Variants in CEP170 observed in about 807,000 individuals in gnomAD.
The protein encoded by CEP170 is centrosomal protein of 170 kDa.
CEP170 carries 21 observed loss-of-function variants against 151.9 expected under a neutral mutation model. The observed-to-expected ratio is 0.14, with a 90% CI of 0.10 to 0.20. The LOEUF is 0.20. Among genes scored for constraint, CEP170 ranks in the 10% least tolerant of loss-of-function variants. The pLI, the probability that CEP170 is intolerant of heterozygous loss-of-function variation, is 1.00. For missense variants in CEP170, 964 were observed against 1,892.9 expected (o/e 0.51, Z 9.11); for synonymous variants, 356 against 648.8 (o/e 0.55, Z 6.86).
intron 1 of CEP170, among the ~76,000 whole-genome samples, chr1:243,241,467 G>A (rs1168763860): frequency 1.3e-5 from 2 of 152,132 alleles, no homozygotes; most frequent in Non-Finnish European, 2.9e-5. Context: ...GATATGATGA[G>A]AGCTATAAAG....
chr1:243,164,612 A>G lies in CEP170; in HGVS notation c.3348T>C (p.Leu1116=). The change falls in exon 13 of 20, where the codon CTT becomes CTC. Residue 1116 remains leucine, a synonymous_variant. Transcript: ENST00000366542. ...CAACAGATGCTTTGTCAGCATCAGC[A>G]AGTTCACTGTCTGAAGCTTCACCAA... ...ARLGEASDSE[L]ADADKASVAS... 2.5e-6 allele frequency: 4 copies of G among 1,613,760 alleles called. No homozygotes were observed. The highest frequency in any genetic ancestry group is 3.4e-6 in the Non-Finnish European group (4 of 1,179,726).
intron 1 of CEP170, among the ~76,000 whole-genome samples, chr1:243,247,306 G>A (rs2065499423): frequency 6.6e-6 from 1 of 152,122 alleles, no homozygotes; most frequent in South Asian, 2.1e-4. Context: ...AGAATTAAAG[G>A]ATGAGTTTAG....
At chr1:243,187,534 T>C (rs1231548854) in intron 8 of CEP170, among the ~76,000 whole-genome samples, 1 of 152,222 alleles carries the variant, frequency 6.6e-6, no homozygotes, top group Admixed American at 6.5e-5. Flanking sequence ...AGGTACATTC[T>C]AATGCTTCCA....
At chr1:243,151,512 C>T (rs1344688570) in intron 14 of CEP170, among the ~76,000 whole-genome samples, 2 of 151,978 alleles carry the variant, frequency 1.3e-5, no homozygotes, top group Non-Finnish European at 2.9e-5. Flanking sequence ...CCAGCCACAA[C>T]ATTCCCTTAA....
chr1:243,134,660 G>A (rs1051614804), intron 17 of CEP170, among the ~76,000 whole-genome samples: 1 of 150,276 alleles, frequency 6.7e-6, no homozygotes, highest in Admixed American at 6.6e-5. Flanking sequence ...ACCATGCCCA[G>A]CCAATTTTTT....
At chr1:243,140,719 A>C (rs533008971) in intron 15 of CEP170, 1 of 152,358 alleles carries the variant, frequency 6.6e-6, no homozygotes, top group South Asian at 2.1e-4. Context: ...ATACAATACT[A>C]AGTAACTCGG....
chr1:243,231,196 T>C (rs201366089), intron 1 of CEP170, among the ~76,000 whole-genome samples: 112 of 138,740 alleles, frequency 8.1e-4, no homozygotes, highest in East Asian at 5.8e-3. Flanking sequence ...TCATCATTAT[T>C]ATTATTATTA....
In CEP170 at chr1:243,142,434, C is replaced by A; in HGVS notation, c.3941G>T (p.Arg1314Leu). The part of the protein sequence containing the change: ...RISQDLALIA[R>L]EINDVAGEID... ...CTCTCCTGCTACATCGTTGATCTCC[C>A]GAGCAATGAGAGCAAGATCTTGGCT... The change falls in exon 15 of 20, where the codon CGG becomes CTG. Residue 1314 changes from arginine to leucine, a missense_variant. By Grantham distance (102) the Arg-to-Leu change is moderately radical. Coordinates refer to ENST00000366542, the MANE Select transcript of CEP170 (RefSeq NM_014812.3). The A allele has an allele frequency of 6.4e-7, 1 of 1,551,572 alleles. No individual in the cohort carries two copies.
chr1:243,202,094 T>C (rs1468929523), intron 4 of CEP170, among the ~76,000 whole-genome samples: 1 of 152,152 alleles, frequency 6.6e-6, no homozygotes, highest in Non-Finnish European at 1.5e-5. Context: ...GTGGTATATA[T>C]ACACCATGGA....
At chr1:243,158,552 C>A (rs2057770212) in intron 13 of CEP170, among the ~76,000 whole-genome samples, 1 of 152,020 alleles carries the variant, frequency 6.6e-6, no homozygotes, top group Non-Finnish European at 1.5e-5. Context: ...AATTGAGTAC[C>A]AAGTGCTATT....
chr1:243,186,351 C>T lies in CEP170; in HGVS notation c.1180G>A (p.Ala394Thr). ...CGTCTTAAGTGTTCCTCAAGAGTTG[C>T]ACGTTTGCTACAGCGCCTGTGAGCC... is the stretch of plus-strand genomic sequence containing the variant. The part of the protein sequence containing the change: ...AGAHRRCSKR[A>T]TLEEHLRRHH... The change falls in exon 9 of 20, where the codon GCA becomes ACA. Residue 394 changes from alanine to threonine, a missense_variant. Coordinates refer to ENST00000366542, the MANE Select transcript of CEP170 (RefSeq NM_014812.3). 1 of 1,613,724 alleles carries T rather than the reference C, an allele frequency of 6.2e-7. No homozygotes were observed. The highest frequency in any genetic ancestry group is 8.5e-7 in the Non-Finnish European group (1 of 1,179,698).
intron 2 of CEP170, among the ~76,000 whole-genome samples, chr1:243,224,763 T>C (rs1191203641): frequency 6.6e-6 from 1 of 152,202 alleles, no homozygotes; most frequent in Non-Finnish European, 1.5e-5. Context: ...CTTTTAAAAA[T>C]TGTCAACAAT....
chr1:243,143,952 C>T (rs528311154), intron 14 of CEP170, among the ~76,000 whole-genome samples: 2 of 152,214 alleles, frequency 1.3e-5, no homozygotes, highest in Non-Finnish European at 2.9e-5. Flanking sequence ...AAAAAGGGAA[C>T]TAAGTTGAAG....
At chr1:243,148,559 G>A (rs1170665754) in intron 14 of CEP170, among the ~76,000 whole-genome samples, 1 of 152,158 alleles carries the variant, frequency 6.6e-6, no homozygotes, top group African/African-American at 2.4e-5. Context: ...GGGTGACAGT[G>A]AGACTCTGTC....
In CEP170 at chr1:243,139,992, G is replaced by C. The variant is rs760128076; in HGVS notation, c.4175C>G (p.Ala1392Gly). Residue 1392 changes from alanine (A) to glycine (G), a missense_variant, in exon 16 of 20, where the codon GCA becomes GGA. Physicochemically the swap from Ala to Gly is moderately conservative, Grantham distance 60. Coordinates refer to ENST00000366542, the MANE Select transcript of CEP170 (RefSeq NM_014812.3). Reference protein sequence around the residue: ...GRSGDPRPQAAEPPDHLTITR... With the variant: ...GRSGDPRPQAGEPPDHLTITR... ...AATTGTTAAGTGATCGGGAGGCTCT[G>C]CTGCTTGAGGTCTTGGATCACCAGA... is the stretch of plus-strand genomic sequence containing the variant. 31 of 1,613,672 alleles carry C rather than the reference G, an allele frequency of 1.9e-5. No individual in the cohort carries two copies. Among genetic ancestry groups the C allele is most frequent in the Admixed American group, 1.3e-4 (8 of 59,988 alleles).
intron 1 of CEP170, among the ~76,000 whole-genome samples, chr1:243,242,675 T>G (rs578165617): frequency 6.6e-6 from 1 of 152,288 alleles, no homozygotes; most frequent in African/African-American, 2.4e-5. Context: ...TATTTGTTCA[T>G]GCCTCTCCAA....
Position 243,185,329 on chromosome 1 carries a change from A to T in CEP170, c.1566+450T>A, listed in dbSNP as rs1375837371. ...AAGAAAACATACGGACAAAGAACAA[A>T]GCTAAAATAAGTATTTTCATCTTCC... On this transcript the variant is annotated intron_variant, in intron 10 of 19. Coordinates refer to ENST00000366542, the MANE Select transcript of CEP170 (RefSeq NM_014812.3). This position sits in a 1 kb window ranked among gnomAD's most constrained non-coding sequence, Gnocchi z 4.9. Among the ~76,000 whole-genome samples, 3 of 152,218 alleles carry T rather than the reference A, an allele frequency of 2.0e-5. No homozygotes were observed.
chr1:243,255,557 G>C (rs891562450), upstream of CEP170, among the ~76,000 whole-genome samples: 1 of 152,240 alleles, frequency 6.6e-6, no homozygotes, highest in Non-Finnish European at 1.5e-5. Flanking sequence ...AGGAGTTGTA[G>C]TGTCGGCCGC....
At chr1:243,132,803 G>A (rs187870378) in intron 17 of CEP170, among the ~76,000 whole-genome samples, 10 of 152,266 alleles carry the variant, frequency 6.6e-5, no homozygotes, top group Admixed American at 2.6e-4. Flanking sequence ...CTGAATAAAT[G>A]AATGAGTGGT....
Sources: allele counts gnomAD v4.1 joint callset (sites outside exome capture counted in the v4.1 genomes callset), GRCh38; gene constraint gnomAD v4.1.1; non-coding constraint Gnocchi (gnomAD v3.1); transcripts MANE v1.5; gene names NCBI Gene and HGNC (gene_info 2026-07-23, HGNC 2026-07-21).